Variants in TMEM108 observed in about 807,000 individuals in gnomAD.
TMEM108 encodes cancer/testis antigen 124.
TMEM108 carries 12 observed loss-of-function variants against 35.1 expected under a neutral mutation model. The ratio of observed to expected loss-of-function variants is 0.34; its 90% CI spans 0.22 to 0.55. The LOEUF is 0.55. Ranked by LOEUF, TMEM108 falls within the 20% of genes least tolerant of loss-of-function variation. The probability of loss-of-function intolerance (pLI) is 0.89; values close to 1 mark genes in which losing one functional copy is unlikely to be tolerated. For synonymous variants in TMEM108, 287 were observed against 308.6 expected, an observed-to-expected ratio of 0.93 and a Z score of 0.73; for missense variants, 680 against 753.3, an observed-to-expected ratio of 0.90 and a Z score of 1.14.
At chr3:133,105,106 A>G (rs1944133897) in intron 2 of TMEM108, among the ~76,000 whole-genome samples, 1 of 152,158 alleles carries the variant, frequency 6.6e-6, no homozygotes, top group South Asian at 2.1e-4. Context: ...CTACAAGTTT[A>G]TTATCTCACA....
intron 3 of TMEM108, among the ~76,000 whole-genome samples, chr3:133,292,778 C>A (rs1947091092): frequency 6.6e-6 from 1 of 152,178 alleles, no homozygotes; most frequent in Non-Finnish European, 1.5e-5. Context: ...CTGAACTTAG[C>A]AGTTTGATCA....
intron 3 of TMEM108, among the ~76,000 whole-genome samples, chr3:133,274,654 C>T (rs1005274710): frequency 6.6e-6 from 1 of 152,206 alleles, no homozygotes; most frequent in Non-Finnish European, 1.5e-5. Flanking sequence ...TCCTTTCCTA[C>T]TGCCTCCTGT....
chr3:133,365,332 C>T (rs947343467), intron 3 of TMEM108, among the ~76,000 whole-genome samples: 2 of 152,160 alleles, frequency 1.3e-5, no homozygotes, highest in Non-Finnish European at 2.9e-5. Context: ...GAAATAGATG[C>T]AAGGCCATAA....
intron 3 of TMEM108, among the ~76,000 whole-genome samples, chr3:133,299,013 T>C (rs113244772): frequency 0.043 from 6,594 of 152,188 alleles, 468 homozygotes; most frequent in African/African-American, 0.14. Context: ...TGAATTCCCA[T>C]TGGGGAAATC....
At chr3:133,111,565 A>G (rs1944224515) in intron 2 of TMEM108, among the ~76,000 whole-genome samples, 1 of 152,176 alleles carries the variant, frequency 6.6e-6, no homozygotes, top group Non-Finnish European at 1.5e-5. Context: ...GTGTGTATTC[A>G]TATATATTAA....
At chr3:133,038,492 G>A (rs1478505409) in intron 1 of TMEM108, 57 bp downstream of exon 1, 1 of 152,352 alleles carries the variant, frequency 6.6e-6, no homozygotes, top group African/African-American at 2.4e-5. Context: ...CCCGGCAAGC[G>A]GGTTAGGCTG....
chr3:133,395,736 A>G (rs2073296412), intron 5 of TMEM108, 128 bp from the exon 6 acceptor site: 1 of 952,634 alleles, frequency 1.0e-6, no homozygotes, highest in Non-Finnish European at 1.4e-6. Context: ...CATTAGCAGT[A>G]GGGATGATGA....
At chr3:133,115,947 T>C (rs12495015) in intron 2 of TMEM108, among the ~76,000 whole-genome samples, 15,515 of 152,256 alleles carry the variant, frequency 0.1, 986 homozygotes, top group Admixed American at 0.17. Context: ...TCAACTGATT[T>C]CAGTGGGGGT....
chr3:133,312,719 C>T (rs1022904405), intron 3 of TMEM108, among the ~76,000 whole-genome samples: 11 of 152,240 alleles, frequency 7.2e-5, no homozygotes, highest in African/African-American at 2.7e-4. Flanking sequence ...TTTGGCTCGC[C>T]CTCTGTGGGC....
At chr3:133,345,436 T>G (rs1335204322) in intron 3 of TMEM108, among the ~76,000 whole-genome samples, 1 of 151,784 alleles carries the variant, frequency 6.6e-6, no homozygotes. Flanking sequence ...CTAACACCAA[T>G]AGCTCTTATT....
chr3:133,265,075 T>C (rs1435684830), intron 3 of TMEM108, among the ~76,000 whole-genome samples: 1 of 152,170 alleles, frequency 6.6e-6, no homozygotes, highest in Non-Finnish European at 1.5e-5. Context: ...ACCAAGATAC[T>C]GAAATGCTGA....
chr3:133,275,038 A>T (rs1323013610), intron 3 of TMEM108, among the ~76,000 whole-genome samples: 1 of 152,206 alleles, frequency 6.6e-6, no homozygotes, highest in Non-Finnish European at 1.5e-5. Context: ...TAAACTCTAA[A>T]AGTGGTCTTA....
chr3:133,315,978 C>T (rs2071193754), intron 3 of TMEM108, among the ~76,000 whole-genome samples: 1 of 152,206 alleles, frequency 6.6e-6, no homozygotes, highest in Non-Finnish European at 1.5e-5. Context: ...CTCCGCACTA[C>T]TAAGAACCAG....
intron 3 of TMEM108, among the ~76,000 whole-genome samples, chr3:133,342,555 T>TATATATATATATATATATACACACAC (rs60991711): frequency 1.6e-5 from 1 of 63,452 alleles, no homozygotes; most frequent in African/African-American, 5.1e-5. Context: ...TATATATATA[T>TATATATATATATATATATACACACAC]ACACACACAC....
In TMEM108 at chr3:133,052,489, A is replaced by T. The variant is rs7647198; in HGVS notation, c.-47+6469A>T. 4.9e-3 allele frequency among the ~76,000 whole-genome samples: 732 copies of T among 150,278 alleles called. 7 individuals carry two copies. The highest frequency in any genetic ancestry group is 0.016 in the African/African-American group (675 of 41,082). On this transcript the variant is annotated intron_variant, in intron 2 of 5. Coordinates refer to ENST00000321871, the MANE Select transcript of TMEM108 (RefSeq NM_023943.4). ...TATTCCTTTTATTTTAATTTAATTTAATTTTATTTTATTGTTCTATTGCAT... is the reference window on the plus strand; with the variant it reads ...TATTCCTTTTATTTTAATTTAATTTTATTTTATTTTATTGTTCTATTGCAT...
intron 2 of TMEM108, among the ~76,000 whole-genome samples, chr3:133,192,570 A>G (rs867619004): frequency 2.6e-5 from 4 of 152,162 alleles, no homozygotes; most frequent in Admixed American, 1.3e-4. Flanking sequence ...ATGCATCAGG[A>G]AAGTGGAATG....
At chr3:133,049,593 T>G (rs1943379723) in intron 2 of TMEM108, among the ~76,000 whole-genome samples, 1 of 152,182 alleles carries the variant, frequency 6.6e-6, no homozygotes, top group Non-Finnish European at 1.5e-5. Context: ...CTTGCTGAAC[T>G]TTTTACCTTG....
chr3:133,372,753 C>T (rs890448883), intron 3 of TMEM108, among the ~76,000 whole-genome samples: 27 of 152,198 alleles, frequency 1.8e-4, no homozygotes, highest in Non-Finnish European at 2.9e-5. Flanking sequence ...AACTTTCTGT[C>T]CTTCAGCCTT....
chr3:133,377,281 T>A (rs890900832), intron 3 of TMEM108, among the ~76,000 whole-genome samples: 1 of 152,126 alleles, frequency 6.6e-6, no homozygotes, highest in African/African-American at 2.4e-5. Context: ...AACAGACACT[T>A]GAAAGGGAAT....
Sources: allele counts gnomAD v4.1 joint callset (sites outside exome capture counted in the v4.1 genomes callset), GRCh38; gene constraint gnomAD v4.1.1; transcripts MANE v1.5; gene names NCBI Gene and HGNC (gene_info 2026-07-23, HGNC 2026-07-21).